CENPF: variants seen among roughly 807,000 people sequenced by gnomAD.
The protein encoded by CENPF is AH antigen.
CENPF carries 214 observed loss-of-function variants against 307.3 expected under a neutral mutation model. That is an observed-to-expected ratio of 0.70 (90% confidence interval 0.62 to 0.78). The LOEUF is 0.78. Among genes scored for constraint, CENPF ranks in the 30% least tolerant of loss-of-function variants. The pLI, the probability that CENPF is intolerant of heterozygous loss-of-function variation, is 0.00. For missense variants in CENPF, 3,401 were observed against 3,483.9 expected, an observed-to-expected ratio of 0.98 and a Z score of 0.60; for synonymous variants, 1,259 against 1,270.6, an observed-to-expected ratio of 0.99 and a Z score of 0.19.
chr1:214,657,740 G>C (rs1658679423), intron 18 of CENPF, among the ~76,000 whole-genome samples: 1 of 152,202 alleles, frequency 6.6e-6, no homozygotes, highest in Non-Finnish European at 1.5e-5. Context: ...GACCTAGCTA[G>C]CAGGTGAGCT....
chr1:214,615,138 G>A, intron 3 of CENPF, 110 bp downstream of exon 3: 1 of 633,660 alleles, frequency 1.6e-6, no homozygotes, highest in Non-Finnish European at 2.6e-6. Flanking sequence ...TTTTTTTCCT[G>A]GTAGAATAAG....
At chr1:214,663,419 C>T (rs1267492289) in intron 19 of CENPF, among the ~76,000 whole-genome samples, 172 bp from the exon 20 acceptor site, 4 of 152,166 alleles carry the variant, frequency 2.6e-5, no homozygotes, top group South Asian at 2.1e-4. Flanking sequence ...TGGTATCCTC[C>T]TAAGTTCTCT....
chr1:214,626,055 T>G (rs1490403779), intron 7 of CENPF, among the ~76,000 whole-genome samples: 1 of 152,218 alleles, frequency 6.6e-6, no homozygotes, highest in Non-Finnish European at 1.5e-5. Context: ...CTGTTCTTCC[T>G]TCCCTCCTAG....
In CENPF at chr1:214,614,947, A is replaced by G. The variant is rs1254780461; in HGVS notation, c.278A>G (p.Lys93Arg). The G allele has an allele frequency of 1.2e-6, 2 of 1,611,896 alleles. No homozygotes were observed. Among genetic ancestry groups the G allele is most frequent in the African/African-American group, 1.3e-5 (1 of 74,968 alleles). The change falls in exon 3 of 20, where the codon AAG becomes AGG. Residue 93 changes from lysine (K) to arginine (R), a missense_variant. Physicochemically the swap from Lys to Arg is conservative, Grantham distance 26. Transcript: ENST00000366955. ...KQKISHELQV[K>R]ESQVNFQEGQ... is the part of the protein sequence containing the mutation. Reference sequence around the variant, plus strand: ...AAGATTTCTCATGAACTTCAAGTCAAGGAGTCACAAGTGAATTTCCAGGAA... The same window carrying G: ...AAGATTTCTCATGAACTTCAAGTCAGGGAGTCACAAGTGAATTTCCAGGAA...
rs549590166 is a variant in CENPF at position 214,613,895 on chromosome 1, G to A, written c.141G>A (p.Ala47=). The change falls in exon 2 of 20, where the codon GCG becomes GCA. Residue 47 remains alanine, a synonymous_variant. Transcript: ENST00000366955. The part of the protein sequence containing the change: ...RQFQLDSLEA[A]LQKQKQKVEN... ...TTCAGCTTGACAGTCTCGAGGCTGC[G>A]CTGCAGAAGCAAAAACAGAAGGTAC... The A allele has an allele frequency of 6.8e-6, 11 of 1,610,590 alleles. No individual in the cohort carries two copies. The highest frequency in any genetic ancestry group is 2.2e-5 in the East Asian group (1 of 44,768).
intron 1 of CENPF, among the ~76,000 whole-genome samples, chr1:214,604,587 T>C (rs998142134): frequency 6.6e-6 from 1 of 152,226 alleles, no homozygotes; most frequent in Non-Finnish European, 1.5e-5. Context: ...ATCATCTTTC[T>C]AAATTGCTCC....
At chr1:214,608,383 C>G (rs1657098016) in intron 1 of CENPF, 2 of 1,613,300 alleles carry the variant, frequency 1.2e-6, no homozygotes, top group East Asian at 2.2e-5. Context: ...CCTACCCGAG[C>G]TGGCACCGTA....
chr1:214,632,251 C>T (rs578251965), intron 9 of CENPF, among the ~76,000 whole-genome samples: 2 of 152,056 alleles, frequency 1.3e-5, no homozygotes, highest in African/African-American at 2.4e-5. Context: ...TGTGTGGTCT[C>T]CTTGCCACAC....
chr1:214,645,382 G>T lies in CENPF; in HGVS notation c.5812G>T (p.Asp1938Tyr), dbSNP rs776282020. The T allele has an allele frequency of 1.2e-6, 2 of 1,614,100 alleles. 1 individual carries two copies. The highest frequency in any genetic ancestry group is 2.2e-5 in the South Asian group (2 of 91,062). ...AACAGAGAAGCTATGTTTAGAAAAA[G>T]ACAATGAAAATAAGCAGAAGGTTAT... The part of the protein sequence containing the change: ...VQTEKLCLEK[D>Y]NENKQKVIVC... The change falls in exon 13 of 20, where the codon GAC (aspartate) becomes TAC (tyrosine). Residue 1938 changes from aspartate to tyrosine, a missense_variant. Coordinates refer to ENST00000366955, the MANE Select transcript of CENPF (RefSeq NM_016343.4).
At chr1:214,639,737 A>G (rs1362989898) in intron 11 of CENPF, among the ~76,000 whole-genome samples, 184 bp from the exon 12 acceptor site, 1 of 151,250 alleles carries the variant, frequency 6.6e-6, no homozygotes, top group Admixed American at 6.6e-5. Context: ...TCTCATTTTT[A>G]TATAAGATAA....
At position 214,641,928 on chromosome 1, in the gene CENPF, A is replaced by G. The variant is rs1165472545; in HGVS notation, c.3590A>G (p.Glu1197Gly). The change falls in exon 12 of 20, where the codon GAA (glutamate) becomes GGA (glycine). Residue 1197 changes from glutamate to glycine, a missense_variant. By Grantham distance (98) the Glu-to-Gly change is moderately conservative. Coordinates refer to ENST00000366955, the MANE Select transcript of CENPF (RefSeq NM_016343.4). ...QCNFKPQMDL[E>G]VKEISLDSYN... ...AATTTTAAACCTCAGATGGATCTTGAAGTTAAAGAAATTTCTCTAGATAGT... is the reference window on the plus strand; with the variant it reads ...AATTTTAAACCTCAGATGGATCTTGGAGTTAAAGAAATTTCTCTAGATAGT... 6.3e-7 allele frequency: 1 copy of G among 1,588,524 alleles called. No individual in the cohort carries two copies.
Position 214,608,254 on chromosome 1 carries a change from C to T in CENPF, c.-42+4933C>T, listed in dbSNP as rs369653084. On this transcript the variant is annotated intron_variant, in intron 1 of 19. Coordinates refer to ENST00000366955, the MANE Select transcript of CENPF (RefSeq NM_016343.4). ...CTCCCAGGGAAGCCCGCCCCCCGGCCCCCGGCCTGGTCCCCTCTTGGGTGT... is the reference window on the plus strand; with the variant it reads ...CTCCCAGGGAAGCCCGCCCCCCGGCTCCCGGCCTGGTCCCCTCTTGGGTGT... 3.4e-4 allele frequency: 512 copies of T among 1,504,424 alleles called. 3 individuals are homozygous for T. The African/African-American group carries it at 6.1e-3, about 18-fold the overall frequency. The allele number at this position is 1,504,424 out of a possible 1,614,324, so 93.2% of individuals were successfully genotyped here.
In CENPF at chr1:214,618,674, C is replaced by T; in HGVS notation, c.461C>T (p.Thr154Ile). The T allele has an allele frequency of 6.2e-7, 1 of 1,613,894 alleles. No homozygotes were observed. Among genetic ancestry groups the T allele is most frequent in the South Asian group, 1.1e-5 (1 of 91,056 alleles). Reference sequence around the variant, plus strand: ...CAAAAAATTTTTACAACTCCACTAACACCAAGTCAATATTATAGTGGTAAT... The same window carrying T: ...CAAAAAATTTTTACAACTCCACTAATACCAAGTCAATATTATAGTGGTAAT... ...TPQKIFTTPL[T>I]PSQYYSGSKY... Residue 154 changes from threonine to isoleucine, a missense_variant, in exon 4 of 20, where the codon ACA (threonine) becomes ATA (isoleucine). Transcript: ENST00000366955.
intron 5 of CENPF, among the ~76,000 whole-genome samples, chr1:214,619,436 C>T (rs909628418): frequency 6.6e-6 from 1 of 152,086 alleles, no homozygotes; most frequent in African/African-American, 2.4e-5. Context: ...TAGTTTATCC[C>T]TAAATATTAA....
rs1405365587 is a variant in CENPF at position 214,642,079 on chromosome 1, C to T, written c.3741C>T (p.Thr1247=). The T allele has an allele frequency of 6.2e-7, 1 of 1,610,520 alleles. No individual in the cohort carries two copies. Among genetic ancestry groups the T allele is most frequent in the Non-Finnish European group, 8.5e-7 (1 of 1,178,980 alleles). Residue 1247 remains threonine (T), a synonymous_variant, in exon 12 of 20, where the codon ACC becomes ACT. Transcript: ENST00000366955. The stretch of plus-strand genomic sequence containing the variant: ...AGACAATTAGAGGAGATCTTGAAAC[C>T]AGCAATTTGCAAGACATGCAGTCAC... The part of the protein sequence containing the change: ...ELQTIRGDLE[T]SNLQDMQSQE...
intron 1 of CENPF, among the ~76,000 whole-genome samples, chr1:214,609,187 C>A (rs999464256): frequency 1.3e-5 from 2 of 152,110 alleles, no homozygotes; most frequent in African/African-American, 4.8e-5. Context: ...TGCATCGCCA[C>A]CGCCGCAGCT....
At chr1:214,652,256 C>G (rs1373283604) in intron 15 of CENPF, among the ~76,000 whole-genome samples, 2 of 150,170 alleles carry the variant, frequency 1.3e-5, no homozygotes, top group Non-Finnish European at 1.5e-5. Context: ...AGGATGGTCT[C>G]GATCTCCTGA....
intron 1 of CENPF, among the ~76,000 whole-genome samples, chr1:214,609,766 G>A (rs1301420080): frequency 1.3e-5 from 2 of 152,066 alleles, no homozygotes; most frequent in Non-Finnish European, 2.9e-5. Context: ...AGGCCTCAGT[G>A]TCTGTTGTTC....
intron 10 of CENPF, among the ~76,000 whole-genome samples, chr1:214,635,271 A>T (rs1172476454): frequency 6.6e-6 from 1 of 152,234 alleles, no homozygotes; most frequent in East Asian, 1.9e-4. Context: ...GTATTAAGCT[A>T]TATTCATGGA....
Sources: gnomAD v4.1 joint callset for allele counts (sites outside exome capture counted in the v4.1 genomes callset) on GRCh38, gnomAD v4.1.1 for gene constraint, MANE v1.5 for transcripts, NCBI Gene and HGNC (gene_info 2026-07-23, HGNC 2026-07-21) for gene names.